LDB1: variants seen among roughly 807,000 people sequenced by gnomAD.
LDB1 encodes LIM domain-binding protein 1.
Under a neutral mutation model 49.7 loss-of-function variants are expected in LDB1, and 6 were observed. The ratio of observed to expected loss-of-function variants is 0.12; its 90% CI spans 0.07 to 0.24. The LOEUF is 0.24. LDB1 is among the 10% of genes least tolerant of loss of function. The pLI is 1.00. For missense variants in LDB1, 341 were observed against 561.7 expected (o/e 0.61, Z 3.97); for synonymous variants, 233 against 202.0 (o/e 1.15, Z -1.30).
chr10:102,118,922 G>A (rs967514319), intron 1 of LDB1, among the ~76,000 whole-genome samples: 2 of 152,162 alleles, frequency 1.3e-5, no homozygotes, highest in Non-Finnish European at 2.9e-5. Flanking sequence ...TTCTAGGATT[G>A]TTAGGTTCTC....
At chr10:102,108,846 A>T in intron 10 of LDB1, 183 bp downstream of exon 10, 1 of 743,332 alleles carries the variant, frequency 1.3e-6, no homozygotes, top group Non-Finnish European at 2.3e-6. Flanking sequence ...AGTCTGTGTG[A>T]TCACACCCAT....
chr10:102,117,189 C>A lies in LDB1; in HGVS notation c.25+2897G>T, dbSNP rs1022461001. On this transcript the variant is annotated intron_variant, in intron 1 of 10. Coordinates refer to ENST00000673968, the MANE Select transcript of LDB1 (RefSeq NM_001113407.3). The surrounding 1 kb of genome is among the most constrained non-coding windows in gnomAD (Gnocchi z 4.2). The stretch of plus-strand genomic sequence containing the variant: ...TCAGAACCCCACACCCACCCTGTCT[C>A]CTCAGACAGGAGGGACTACAAGGGC... Among the ~76,000 whole-genome samples the A allele has an allele frequency of 4.6e-5, 7 of 152,288 alleles. No homozygotes were observed. Among genetic ancestry groups the A allele is most frequent in the African/African-American group, 1.7e-4 (7 of 41,554 alleles).
rs1352033345 is a variant in LDB1, at chr10:102,107,536, G to A, written c.*557C>T. ...GGGAGGTAGCTGGACTTTTAATAGG[G>A]GGAAGAGGGGGGGACATGAGTGATT... On this transcript the variant is annotated 3_prime_UTR_variant, in exon 11 of 11. Coordinates refer to ENST00000673968, the MANE Select transcript of LDB1 (RefSeq NM_001113407.3). 2 of 153,640 alleles carry A rather than the reference G, an allele frequency of 1.3e-5. No homozygotes were observed. Among genetic ancestry groups the A allele is most frequent in the African/African-American group, 4.8e-5 (2 of 41,372 alleles). 9.5% of individuals were successfully genotyped at this position (153,640 alleles called of 1,614,324 possible).
At chr10:102,113,489 C>A (rs1422385489) in intron 1 of LDB1, among the ~76,000 whole-genome samples, 3 of 152,138 alleles carry the variant, frequency 2.0e-5, no homozygotes, top group Admixed American at 6.6e-5. Context: ...GAAAGACAGT[C>A]CCCACCCAGC....
upstream of LDB1, among the ~76,000 whole-genome samples, chr10:102,121,222 C>A (rs1345035191): frequency 6.6e-6 from 1 of 152,040 alleles, no homozygotes; most frequent in Non-Finnish European, 1.5e-5. Flanking sequence ...TGCAGACTGA[C>A]GCATCAGTCA....
downstream of LDB1, among the ~76,000 whole-genome samples, chr10:102,102,976 G>T (rs1457446911): frequency 6.6e-6 from 1 of 152,096 alleles, no homozygotes; most frequent in Non-Finnish European, 1.5e-5. Context: ...GTCCCACTAT[G>T]CCCAGCTTAA....
chr10:102,119,300 C>T (rs984634070), intron 1 of LDB1, among the ~76,000 whole-genome samples: 13 of 151,356 alleles, frequency 8.6e-5, no homozygotes, highest in Admixed American at 2.6e-4. Flanking sequence ...CGCCCTCCGC[C>T]CCCCCCACCT....
chr10:102,119,424 T>C (rs2068379525), intron 1 of LDB1, among the ~76,000 whole-genome samples: 1 of 151,970 alleles, frequency 6.6e-6, no homozygotes. Context: ...TTGGGTCAAG[T>C]ATTGCTCCCC....
At chr10:102,118,432 A>T (rs2068360109) in intron 1 of LDB1, among the ~76,000 whole-genome samples, 1 of 151,408 alleles carries the variant, frequency 6.6e-6, no homozygotes, top group Admixed American at 6.6e-5. Context: ...CCACCCACAA[A>T]CCCCTGGGCT....
At chr10:102,114,621 G>C (rs1401177395) in intron 1 of LDB1, 4 of 985,090 alleles carry the variant, frequency 4.1e-6, no homozygotes, top group Non-Finnish European at 4.8e-6. Flanking sequence ...CCGGGGGAAA[G>C]TTACAATGGC....
At chr10:102,114,823 C>A in intron 1 of LDB1, 1 of 976,382 alleles carries the variant, frequency 1.0e-6, no homozygotes, top group Non-Finnish European at 1.2e-6. Context: ...CCCGCCCGCC[C>A]TCCCCAGGCC....
rs1008367472 is a variant in LDB1 at position 102,111,668 on chromosome 10, T to G, written c.26-132A>C. ...GCTGCAGGGACCAGCCTAGGCAACATAGCGAGACCTCGTCTCTAAAAATAA... is the reference window on the plus strand; with the variant it reads ...GCTGCAGGGACCAGCCTAGGCAACAGAGCGAGACCTCGTCTCTAAAAATAA... On this transcript the variant is annotated intron_variant, in intron 1 of 10. Transcript: ENST00000673968. The G allele has an allele frequency of 4.5e-5, 24 of 537,524 alleles. No individual in the cohort carries two copies. The East Asian group carries it at 5.7e-4, about 13-fold the overall frequency. The allele number at this position is 537,524 out of a possible 1,614,324, so 33.3% of individuals were successfully genotyped here. A position where few individuals can be genotyped will look rare whatever the true frequency, so the allele number is the denominator to read the frequency against.
chr10:102,109,080 G>T lies in LDB1; in HGVS notation c.954C>A (p.Asn318Lys), dbSNP rs754264863. 6.2e-7 allele frequency: 1 copy of T among 1,614,218 alleles called. No individual in the cohort carries two copies. ...SSGGGNTNNS[N>K]SKKKSPASTF... ...TGCTAGCTGGGCTCTTCTTCTTGCT[G>T]TTGCTGTTGTTGGTGTTGCCACCAC... Residue 318 changes from asparagine (N) to lysine (K), a missense_variant, in exon 10 of 11, where the codon AAC becomes AAA. By Grantham distance (94) the Asn-to-Lys change is moderately conservative. Around this residue, in one of 5 missense-constraint regions of LDB1, gnomAD observed 233 missense variants for 385.7 expected, o/e 0.60. Transcript: ENST00000673968. The surrounding 1 kb of genome is among the most constrained non-coding windows in gnomAD (Gnocchi z 5.8).
chr10:102,104,249 T>A (rs982690250), downstream of LDB1, among the ~76,000 whole-genome samples: 2 of 152,094 alleles, frequency 1.3e-5, no homozygotes, highest in African/African-American at 4.8e-5. Flanking sequence ...GGGGTTGGGT[T>A]CAGACCTCTG....
chr10:102,119,230 C>T (rs1254027756), intron 1 of LDB1, among the ~76,000 whole-genome samples: 2 of 152,098 alleles, frequency 1.3e-5, no homozygotes, highest in Non-Finnish European at 2.9e-5. Context: ...CCGTGAGGCC[C>T]TCTGTAGACT....
At chr10:102,108,466 C>T in intron 10 of LDB1, 143 bp from the exon 11 acceptor site, 2 of 629,080 alleles carry the variant, frequency 3.2e-6, no homozygotes, top group South Asian at 1.9e-5. Flanking sequence ...AAAACCCCAA[C>T]TCCTGACACC....
chr10:102,102,664 T>A (rs2068129515), downstream of LDB1, among the ~76,000 whole-genome samples: 3 of 152,196 alleles, frequency 2.0e-5, no homozygotes, highest in Admixed American at 2.0e-4. Flanking sequence ...TTTGAGTATG[T>A]AGTCTCCCAT....
intron 1 of LDB1, among the ~76,000 whole-genome samples, chr10:102,113,217 C>T: frequency 6.6e-6 from 1 of 152,208 alleles, no homozygotes; most frequent in Non-Finnish European, 1.5e-5. Flanking sequence ...AGGAGGGTCC[C>T]AGACTGCACA....
rs1328110175 is a variant in LDB1, at chr10:102,109,618, G to A, written c.714C>T (p.Ser238=). The A allele has an allele frequency of 1.2e-6, 2 of 1,613,952 alleles. No individual in the cohort carries two copies. Among genetic ancestry groups the A allele is most frequent in the Non-Finnish European group, 1.7e-6 (2 of 1,179,996 alleles). The change falls in exon 8 of 11, where the codon TCC becomes TCT. Residue 238 remains serine (S), a synonymous_variant. Coordinates refer to ENST00000673968, the MANE Select transcript of LDB1 (RefSeq NM_001113407.3). This position sits in a 1 kb window ranked among gnomAD's most constrained non-coding sequence, Gnocchi z 5.8. ...KNITRCGLSN[S]TLNYLRLCVI... ...GACTCACTCGGAGGTAGTTGAGAGT[G>A]GAATTGGACAGCCCACACCGAGTGA...
Sources: gnomAD v4.1 joint callset for allele counts (sites outside exome capture counted in the v4.1 genomes callset) on GRCh38, gnomAD v4.1.1 for gene constraint, gnomAD v4.1.1 regional missense constraint, Gnocchi (gnomAD v3.1) non-coding constraint, MANE v1.5 for transcripts, NCBI Gene and HGNC (gene_info 2026-07-23, HGNC 2026-07-21) for gene names.